Variants in CCDC178 observed in about 807,000 individuals in gnomAD.
CCDC178 encodes coiled-coil domain-containing protein 178.
A neutral mutation model predicts 117.4 loss-of-function variants in CCDC178; 126 were observed. The observed-to-expected ratio is 1.07, with a 90% confidence interval of 0.93 to 1.24. The LOEUF (loss-of-function observed/expected upper bound fraction) is 1.24, where lower values mean the gene tolerates loss of function less well. CCDC178 is among the 50% of genes most tolerant of loss of function. CCDC178 has a pLI of 0.00. For missense variants in CCDC178, 1,030 were observed against 986.9 expected (o/e 1.04, Z -0.59); for synonymous variants, 283 against 313.4 (o/e 0.90, Z 1.02).
chr18:33,041,659 A>G (rs79110977), intron 21 of CCDC178, among the ~76,000 whole-genome samples: 5,410 of 151,652 alleles, frequency 0.036, 157 homozygotes, highest in East Asian at 0.08. Context: ...AATAATAATT[A>G]TTTCTTAAAT....
At chr18:33,406,008 G>C (rs777702754) in intron 3 of CCDC178, among the ~76,000 whole-genome samples, 9 of 151,948 alleles carry the variant, frequency 5.9e-5, no homozygotes, top group Non-Finnish European at 1.0e-4. Flanking sequence ...GGAATGCAAA[G>C]GCAAGAAAAG....
chr18:33,119,091 G>T (rs1162846820), intron 20 of CCDC178, among the ~76,000 whole-genome samples: 1 of 152,156 alleles, frequency 6.6e-6, no homozygotes, highest in Admixed American at 6.5e-5. Context: ...AACCCTAGAA[G>T]AAAACCTAGG....
intron 21 of CCDC178, among the ~76,000 whole-genome samples, chr18:32,983,098 T>C (rs1164187796): frequency 6.6e-6 from 1 of 151,704 alleles, no homozygotes; most frequent in African/African-American, 2.4e-5. Context: ...TTCCACTCCA[T>C]TTTGCTGTAA....
At chr18:32,970,669 A>G (rs2054906256) in intron 22 of CCDC178, among the ~76,000 whole-genome samples, 2 of 152,188 alleles carry the variant, frequency 1.3e-5, no homozygotes, top group South Asian at 4.1e-4. Flanking sequence ...ACAATTGGAT[A>G]TAAGTGAAAA....
In CCDC178 at chr18:33,139,121, A is replaced by G. The variant is rs2058165793; in HGVS notation, c.2239-46211T>C. On this transcript the variant is annotated intron_variant, in intron 20 of 22. Coordinates refer to ENST00000383096, the MANE Select transcript of CCDC178 (RefSeq NM_001105528.4). ...GATGATTTTAAAAACGGGAGATTCC[A>G]TGCACAAGCTCTCTCTTTGCCTGCT... is the stretch of plus-strand genomic sequence containing the variant. Among the ~76,000 whole-genome samples the G allele has an allele frequency of 2.6e-5, 4 of 152,300 alleles. 1 individual carries two copies. The South Asian group carries it at 6.2e-4, about 24-fold the overall frequency.
At chr18:33,321,585 T>TC (rs1476154570) in intron 11 of CCDC178, among the ~76,000 whole-genome samples, 19 of 152,198 alleles carry the variant, frequency 1.2e-4, no homozygotes, top group African/African-American at 4.6e-4. Context: ...CCTTTCATTG[T>TC]CAGCAGGATA....
intron 22 of CCDC178, 85 bp downstream of exon 22, chr18:32,974,462 G>T (rs188174665): frequency 1.3e-4 from 159 of 1,269,906 alleles, no homozygotes; most frequent in Non-Finnish European, 1.7e-4. Context: ...GATGGGATAT[G>T]GTTTTAATGC....
chr18:33,057,944 G>A (rs2144950465), intron 21 of CCDC178, among the ~76,000 whole-genome samples: 1 of 152,282 alleles, frequency 6.6e-6, no homozygotes, highest in South Asian at 2.1e-4. Flanking sequence ...CACATCCACA[G>A]TGGGGTAGCA....
intron 5 of CCDC178, among the ~76,000 whole-genome samples, 190 bp from the exon 6 acceptor site, chr18:33,370,379 C>A (rs373313272): frequency 6.6e-6 from 1 of 151,564 alleles, no homozygotes; most frequent in Admixed American, 6.6e-5. Flanking sequence ...ATAAAATAAT[C>A]ATTTATGATT....
intron 6 of CCDC178, among the ~76,000 whole-genome samples, chr18:33,367,183 T>C (rs1309278833): frequency 1.3e-5 from 2 of 152,076 alleles, no homozygotes; most frequent in Admixed American, 6.6e-5. Flanking sequence ...AGGCATGCAA[T>C]GTGAAACAAG....
At chr18:33,424,938 C>T (rs756965355) in intron 2 of CCDC178, among the ~76,000 whole-genome samples, 14 of 152,158 alleles carry the variant, frequency 9.2e-5, no homozygotes, top group Non-Finnish European at 1.8e-4. Flanking sequence ...AACCTGACCC[C>T]AGGCGTGATA....
intron 20 of CCDC178, among the ~76,000 whole-genome samples, chr18:33,131,161 A>G (rs2058065501): frequency 6.6e-6 from 1 of 151,966 alleles, no homozygotes; most frequent in African/African-American, 2.4e-5. Context: ...AGAATTCATG[A>G]TGATTAATTT....
At chr18:32,954,949 C>A (rs2054563230) in intron 22 of CCDC178, among the ~76,000 whole-genome samples, 1 of 152,242 alleles carries the variant, frequency 6.6e-6, no homozygotes, top group Admixed American at 6.5e-5. Flanking sequence ...ACTCATACTC[C>A]TTTGCTATCT....
intron 21 of CCDC178, among the ~76,000 whole-genome samples, chr18:33,061,461 A>C (rs2056918824): frequency 6.6e-6 from 1 of 152,136 alleles, no homozygotes; most frequent in African/African-American, 2.4e-5. Context: ...ATGTTGACAG[A>C]ATGGAGGGAA....
intron 21 of CCDC178, among the ~76,000 whole-genome samples, chr18:33,032,536 GCA>G (rs1353709098): frequency 3.3e-5 from 5 of 151,972 alleles, no homozygotes; most frequent in African/African-American, 1.2e-4. Context: ...TTGTATGTTT[GCA>G]TACTTACAAA....
intron 20 of CCDC178, among the ~76,000 whole-genome samples, chr18:33,179,105 ATATAAAC>A (rs1184521616): frequency 2.4e-4 from 27 of 113,512 alleles, no homozygotes; most frequent in African/African-American, 9.7e-4. Context: ...ATATATATAT[ATATAAAC>A]TATATATATA....
chr18:33,328,157 A>T, intron 10 of CCDC178: 1 of 277,204 alleles, frequency 3.6e-6, no homozygotes, highest in South Asian at 2.8e-5. Context: ...GCTGGAGTGC[A>T]GTGGCGCGAT....
At chr18:33,425,318 C>T (rs1161148241) in intron 2 of CCDC178, among the ~76,000 whole-genome samples, 2 of 152,072 alleles carry the variant, frequency 1.3e-5, no homozygotes, top group African/African-American at 2.4e-5. Context: ...AAACCTGTAA[C>T]CTGAAACACA....
At chr18:32,968,773 A>G (rs1342342126) in intron 22 of CCDC178, among the ~76,000 whole-genome samples, 1 of 152,036 alleles carries the variant, frequency 6.6e-6, no homozygotes, top group East Asian at 1.9e-4. Context: ...TAAAAGTCCA[A>G]AATGCATGTT....
Sources: allele counts gnomAD v4.1 joint callset (sites outside exome capture counted in the v4.1 genomes callset), GRCh38; gene constraint gnomAD v4.1.1; transcripts MANE v1.5; gene names NCBI Gene and HGNC (gene_info 2026-07-23, HGNC 2026-07-21).